Variants in ZNF444 observed in about 807,000 individuals in gnomAD.
ZNF444 encodes the protein endothelial zinc finger protein 2.
In ZNF444, 8 loss-of-function variants were observed where a neutral mutation model predicts 14.4. That is an observed-to-expected ratio of 0.56 (90% CI 0.33 to 1.00). ZNF444 has a LOEUF of 1.00. ZNF444 is among the 50% of genes least tolerant of loss of function. The pLI is 0.03. For missense variants in ZNF444, 510 were observed against 504.8 expected (o/e 1.01, Z -0.10); for synonymous variants, 258 against 235.9 (o/e 1.09, Z -0.86).
chr19:56,159,119 C>T (rs1433847744), intron 4 of ZNF444, among the ~76,000 whole-genome samples: 1 of 151,666 alleles, frequency 6.6e-6, no homozygotes, highest in African/African-American at 2.4e-5. Context: ...CATCCATCAC[C>T]CATCCGTCCA....
upstream of ZNF444, among the ~76,000 whole-genome samples, chr19:56,138,381 C>T (rs1421318377): frequency 6.6e-6 from 1 of 151,968 alleles, no homozygotes; most frequent in Non-Finnish European, 1.5e-5. Flanking sequence ...AATCCCAACA[C>T]TTTGGGAGGC....
At chr19:56,136,838 A>G (rs1035724062), upstream of ZNF444, among the ~76,000 whole-genome samples, 2 of 151,852 alleles carry the variant, frequency 1.3e-5, no homozygotes, top group East Asian at 1.9e-4. Context: ...CTGGAGTGCA[A>G]TGGCACGATC....
At chr19:56,140,884 C>A (rs1187781709), upstream of ZNF444, 3 of 152,258 alleles carry the variant, frequency 2.0e-5, no homozygotes, top group East Asian at 1.9e-4. Flanking sequence ...CCTCCTCCTC[C>A]CTCTTTTTTT....
chr19:56,159,778 G>A lies in ZNF444; in HGVS notation c.561G>A (p.Thr187=), dbSNP rs147982563. ...GTTSCPECGK[T]SLKPAHLLRH... is the part of the protein sequence containing the mutation. ...CGTCCTGCCCCGAGTGCGGCAAAAC[G>A]TCCCTGAAACCAGCTCACCTGCTGC... The change falls in exon 5 of 5, where the codon ACG becomes ACA. Residue 187 remains threonine, a synonymous_variant. Coordinates refer to ENST00000337080, the MANE Select transcript of ZNF444 (RefSeq NM_018337.4). 1.3e-5 allele frequency: 20 copies of A among 1,594,606 alleles called. No homozygotes were observed. In the African/African-American group the frequency reaches 1.7e-4, roughly 14 times the overall value.
chr19:56,153,433 A>G (rs968398883), intron 3 of ZNF444, among the ~76,000 whole-genome samples: 2 of 152,090 alleles, frequency 1.3e-5, no homozygotes, highest in African/African-American at 4.8e-5. Context: ...TCGTTGAGGG[A>G]ATGGCTAACC....
At position 56,160,173 on chromosome 19, in the gene ZNF444, G is replaced by A. The variant is rs2032203778; in HGVS notation, c.956G>A (p.Gly319Asp). The A allele has an allele frequency of 1.4e-6, 2 of 1,471,298 alleles. No individual in the cohort carries two copies. Among genetic ancestry groups the A allele is most frequent in the East Asian group, 2.8e-5 (1 of 35,452 alleles). The allele number at this position is 1,471,298 out of a possible 1,614,324, so 91.1% of individuals were successfully genotyped here. The change falls in exon 5 of 5, where the codon GGC becomes GAC. Residue 319 changes from glycine (G) to aspartate (D), a missense_variant. Transcript: ENST00000337080. ...GTAGCTCCGGGCCCGGATGGTGGAG[G>A]CCCCTTCCCGCCCTGGCCCTTGGGT... ...GAVAPGPDGG[G>D]PFPPWPLG is the part of the protein sequence containing the mutation.
upstream of ZNF444, among the ~76,000 whole-genome samples, chr19:56,139,085 C>T (rs997252485): frequency 6.6e-6 from 1 of 152,032 alleles, no homozygotes; most frequent in Non-Finnish European, 1.5e-5. Flanking sequence ...TGAGCCACCA[C>T]ACCCGGCCTA....
In ZNF444 at chr19:56,160,544, T is replaced by C; in HGVS notation, c.*343T>C. ...TCTCCCTCCTCCATTCCTCTCTCCC[T>C]GCCCTTTTCCTGCCTGAAGAGCAGA... On this transcript the variant is annotated 3_prime_UTR_variant, in exon 5 of 5. Transcript: ENST00000337080. 1 of 259,576 alleles carries C rather than the reference T, an allele frequency of 3.9e-6. No individual in the cohort carries two copies. The highest frequency in any genetic ancestry group is 7.3e-6 in the Non-Finnish European group (1 of 137,268). The allele number at this position is 259,576 out of a possible 1,614,324, so 16.1% of individuals were successfully genotyped here. A position where few individuals can be genotyped will look rare whatever the true frequency, so the allele number is the denominator to read the frequency against.
chr19:56,149,570 C>A (rs2031447676), intron 3 of ZNF444, among the ~76,000 whole-genome samples: 1 of 152,194 alleles, frequency 6.6e-6, no homozygotes, highest in Non-Finnish European at 1.5e-5. Flanking sequence ...GCTGCACATA[C>A]CAACCTGTCA....
rs556091805 is a variant in ZNF444 at position 56,145,690 on chromosome 19, G to A, written c.-196-557G>A. On this transcript the variant is annotated intron_variant, in intron 1 of 4. Coordinates refer to ENST00000337080, the MANE Select transcript of ZNF444 (RefSeq NM_018337.4). This position sits in a 1 kb window ranked among gnomAD's most constrained non-coding sequence, Gnocchi z 4.3. ...GGAGGCCGTCGGCAGCCTGGAAGAG[G>A]TGCTCACCAGAACCCGACAGTGCTG... 8.5e-5 allele frequency among the ~76,000 whole-genome samples: 13 copies of A among 152,342 alleles called. No homozygotes were observed. The East Asian group carries it at 2.5e-3, about 29-fold the overall frequency.
intron 3 of ZNF444, among the ~76,000 whole-genome samples, chr19:56,152,061 G>A (rs2123515102): frequency 6.6e-6 from 1 of 152,284 alleles, no homozygotes; most frequent in East Asian, 1.9e-4. Context: ...GCCGGGCATG[G>A]TGGCTCACGC....
At chr19:56,155,285 A>C (rs2031838066) in intron 3 of ZNF444, 1 of 152,540 alleles carries the variant, frequency 6.6e-6, no homozygotes, top group African/African-American at 2.4e-5. Context: ...CCTCCCGGCA[A>C]CAACGTGTGA....
Position 56,153,684 on chromosome 19 carries a change from C to T in ZNF444, c.298-4810C>T, listed in dbSNP as rs528080313. Among the ~76,000 whole-genome samples the T allele has an allele frequency of 1.4e-3, 218 of 152,266 alleles. 1 individual carries two copies. Among genetic ancestry groups the T allele is most frequent in the African/African-American group, 5.1e-3 (211 of 41,556 alleles). ...TAGTTTAAGACGGATGGGGGCAGGG[C>T]GTCTGCCAATCGGGGAAGTGCAGAG... On this transcript the variant is annotated intron_variant, in intron 3 of 4. Coordinates refer to ENST00000337080, the MANE Select transcript of ZNF444 (RefSeq NM_018337.4).
At chr19:56,155,360 G>A (rs2031843590) in intron 3 of ZNF444, 1 of 152,436 alleles carries the variant, frequency 6.6e-6, no homozygotes, top group Non-Finnish European at 1.5e-5. Flanking sequence ...TCTCTGTTGG[G>A]GTTGTGTGTA....
In ZNF444 at chr19:56,142,259, CTTCT is replaced by C. The variant is rs559248719; in HGVS notation, c.-197+903_-197+906del. The C allele has an allele frequency of 1.7e-4, 26 of 152,310 alleles. No individual in the cohort carries two copies. In the East Asian group the frequency reaches 4.4e-3, roughly 26 times the overall value. 9.4% of individuals were successfully genotyped at this position (152,310 alleles called of 1,614,324 possible). ...TGTGGTTCTCAGCATTTTTGTTCTC[CTTCT>C]ATCACTTTACAGTCAACGAAATGGA... On this transcript the variant is annotated intron_variant, in intron 1 of 4. Transcript: ENST00000337080.
rs975034361 is a variant in ZNF444 at position 56,159,720 on chromosome 19, G to T, written c.503G>T (p.Gly168Val). ...CCCAGCAGCCCCCCGCTGGCGCCTGGCCTGCCCGCCTTCCTAGCGGCCCCG... is the reference window on the plus strand; with the variant it reads ...CCCAGCAGCCCCCCGCTGGCGCCTGTCCTGCCCGCCTTCCTAGCGGCCCCG... ...QEPSSPPLAP[G>V]LPAFLAAPGT... is the part of the protein sequence containing the mutation. The change falls in exon 5 of 5, where the codon GGC becomes GTC. Residue 168 changes from glycine (G) to valine (V), a missense_variant. Physicochemically the swap from Gly to Val is moderately radical, Grantham distance 109. Coordinates refer to ENST00000337080, the MANE Select transcript of ZNF444 (RefSeq NM_018337.4). 11 of 1,564,260 alleles carry T rather than the reference G, an allele frequency of 7.0e-6. No homozygotes were observed. Among genetic ancestry groups the T allele is most frequent in the South Asian group, 1.2e-5 (1 of 85,874 alleles).
chr19:56,159,267 C>G (rs1023894322), intron 4 of ZNF444, among the ~76,000 whole-genome samples: 1 of 151,752 alleles, frequency 6.6e-6, no homozygotes, highest in Non-Finnish European at 1.5e-5. Context: ...GACATTCATC[C>G]ACCCCTCATC....
intron 3 of ZNF444, chr19:56,155,392 A>G (rs775329431): frequency 6.6e-6 from 1 of 152,482 alleles, no homozygotes; most frequent in South Asian, 2.1e-4. Context: ...CTTCACCTCC[A>G]TCCCTGGCAG....
intron 3 of ZNF444, chr19:56,151,680 G>A (rs1175760542): frequency 6.4e-5 from 28 of 434,886 alleles, no homozygotes; most frequent in Admixed American, 2.7e-4. Flanking sequence ...ATCTGGGGGC[G>A]CTGCTGTGCA....
Sources: allele counts gnomAD v4.1 joint callset (sites outside exome capture counted in the v4.1 genomes callset), GRCh38; gene constraint gnomAD v4.1.1; non-coding constraint Gnocchi (gnomAD v3.1); transcripts MANE v1.5; gene names NCBI Gene and HGNC (gene_info 2026-07-23, HGNC 2026-07-21).